The following MAGI1 variants were observed in gnomAD, a reference collection of about 807,000 sequenced individuals.
MAGI1 encodes the protein membrane associated guanylate kinase, WW and PDZ domain containing 1.
A neutral mutation model predicts 139.9 loss-of-function variants in MAGI1; 58 were observed. The observed-to-expected ratio is 0.41, with a 90% CI of 0.34 to 0.52. The LOEUF (loss-of-function observed/expected upper bound fraction) is 0.52. MAGI1 is among the 20% of genes least tolerant of loss of function. The pLI is 0.12. For missense variants in MAGI1, 1,874 were observed against 1,901.6 expected, an observed-to-expected ratio of 0.99 and a Z score of 0.27; for synonymous variants, 812 against 737.9, an observed-to-expected ratio of 1.10 and a Z score of -1.63.
At chr3:65,565,026 T>C (rs551341248) in intron 2 of MAGI1, among the ~76,000 whole-genome samples, 33 of 152,178 alleles carry the variant, frequency 2.2e-4, no homozygotes, top group Non-Finnish European at 4.7e-4. Context: ...CTGTGACGAT[T>C]ATTTCATTCT....
Position 65,642,372 on chromosome 3 carries a change from C to T in MAGI1, c.314-20284G>A, listed in dbSNP as rs1447299933. On this transcript the variant is annotated intron_variant, in intron 1 of 22. Transcript: ENST00000402939. ...ATTATTCTGCCACTGGTCAAACATG[C>T]TATGACCATCAAACCTTCTATCCGG... Among the ~76,000 whole-genome samples, 3 of 152,168 alleles carry T rather than the reference C, an allele frequency of 2.0e-5. No homozygotes were observed. The East Asian group carries it at 5.8e-4, about 29-fold the overall frequency.
intron 1 of MAGI1, among the ~76,000 whole-genome samples, chr3:65,794,977 G>A (rs1483786633): frequency 6.6e-6 from 1 of 151,936 alleles, no homozygotes; most frequent in Non-Finnish European, 1.5e-5. Flanking sequence ...ACTATCCAAC[G>A]ACGCAAATGA....
chr3:65,688,724 A>C (rs114819069), intron 1 of MAGI1, among the ~76,000 whole-genome samples: 2,668 of 152,346 alleles, frequency 0.018, 29 homozygotes, highest in Non-Finnish European at 0.026. Context: ...TCTACAATGA[A>C]GGAGGATACC....
At chr3:65,468,947 C>A (rs866920460) in intron 5 of MAGI1, among the ~76,000 whole-genome samples, 2 of 134,712 alleles carry the variant, frequency 1.5e-5, no homozygotes, top group Non-Finnish European at 3.1e-5. Flanking sequence ...GGAAGGGAAA[C>A]AATAAATAAA....
At chr3:65,713,412 C>G (rs890513254) in intron 1 of MAGI1, among the ~76,000 whole-genome samples, 6 of 151,858 alleles carry the variant, frequency 4.0e-5, no homozygotes, top group African/African-American at 1.5e-4. Flanking sequence ...ATTGTTTTCC[C>G]CCTATCAAGC....
At chr3:65,976,885 C>T (rs796597911) in intron 1 of MAGI1, among the ~76,000 whole-genome samples, 6 of 152,258 alleles carry the variant, frequency 3.9e-5, no homozygotes, top group South Asian at 2.1e-4. Context: ...TTCACACTTG[C>T]TTTGTTCAAA....
At chr3:65,653,842 A>G (rs1369079345) in intron 1 of MAGI1, among the ~76,000 whole-genome samples, 1 of 152,168 alleles carries the variant, frequency 6.6e-6, no homozygotes, top group African/African-American at 2.4e-5. Context: ...GTGGAGTCTC[A>G]CTGCACTTAC....
At chr3:65,669,632 T>C (rs1432030136) in intron 1 of MAGI1, among the ~76,000 whole-genome samples, 1 of 152,228 alleles carries the variant, frequency 6.6e-6, no homozygotes, top group Non-Finnish European at 1.5e-5. Flanking sequence ...TTCGGGATTC[T>C]ACTGATAAAG....
At chr3:65,419,049 C>T (rs1356781493) in intron 12 of MAGI1, among the ~76,000 whole-genome samples, 1 of 152,200 alleles carries the variant, frequency 6.6e-6, no homozygotes, top group African/African-American at 2.4e-5. Context: ...CAGTCTGACC[C>T]TTGAATGGTG....
chr3:65,917,389 G>A (rs2061956015), intron 1 of MAGI1, among the ~76,000 whole-genome samples: 1 of 152,190 alleles, frequency 6.6e-6, no homozygotes, highest in Non-Finnish European at 1.5e-5. Context: ...AGACAGTTTG[G>A]CAGTTTCTTA....
chr3:65,798,335 A>G (rs907397144), intron 1 of MAGI1, among the ~76,000 whole-genome samples: 4 of 152,018 alleles, frequency 2.6e-5, no homozygotes, highest in African/African-American at 7.2e-5. Flanking sequence ...AAACAAACAA[A>G]CACAGCCTCA....
intron 5 of MAGI1, among the ~76,000 whole-genome samples, chr3:65,469,177 T>C (rs553408445): frequency 7.9e-5 from 12 of 152,312 alleles, no homozygotes; most frequent in African/African-American, 2.4e-4. Flanking sequence ...AGATGTAGGA[T>C]ATGTGTGTAT....
intron 1 of MAGI1, among the ~76,000 whole-genome samples, chr3:66,001,213 G>C (rs1464971435): frequency 6.6e-6 from 1 of 152,010 alleles, no homozygotes; most frequent in Non-Finnish European, 1.5e-5. Context: ...AGTAGGAATT[G>C]GTTCGATTAG....
chr3:65,726,956 CAAAAAAAAAA>C (rs539578446), intron 1 of MAGI1, among the ~76,000 whole-genome samples: 3 of 102,210 alleles, frequency 2.9e-5, no homozygotes, highest in Admixed American at 2.0e-4. Flanking sequence ...CTCCAAAATC[CAAAAAAAAAA>C]AAAAAAAAAT....
chr3:65,374,508 G>A (rs1449427455), intron 18 of MAGI1, among the ~76,000 whole-genome samples: 2 of 151,972 alleles, frequency 1.3e-5, no homozygotes, highest in African/African-American at 2.4e-5. Context: ...AGTAGAGATG[G>A]GGTTTCACCA....
Position 65,671,644 on chromosome 3 carries a change from T to G in MAGI1, c.314-49556A>C, listed in dbSNP as rs113138848. On this transcript the variant is annotated intron_variant, in intron 1 of 22. Coordinates refer to ENST00000402939, the MANE Select transcript of MAGI1 (RefSeq NM_001033057.2). ...TCAAGGGGTCCCATAGAATAGTCCA[T>G]CATTTGTCACCAATTAGTTATGTCA... 9.8e-3 allele frequency among the ~76,000 whole-genome samples: 1,493 copies of G among 152,294 alleles called. 13 individuals carry two copies. Among genetic ancestry groups the G allele is most frequent in the African/African-American group, 0.034 (1,428 of 41,566 alleles).
chr3:65,754,124 T>C (rs868095583), intron 1 of MAGI1, among the ~76,000 whole-genome samples: 12 of 152,302 alleles, frequency 7.9e-5, no homozygotes, highest in Middle Eastern at 3.4e-3. Context: ...TATCACATGA[T>C]AGATATTGCT....
At chr3:65,736,085 G>A (rs1177726269) in intron 1 of MAGI1, among the ~76,000 whole-genome samples, 1 of 152,216 alleles carries the variant, frequency 6.6e-6, no homozygotes, top group Non-Finnish European at 1.5e-5. Flanking sequence ...ATTTTCAGAA[G>A]TAACACTGAT....
intron 1 of MAGI1, among the ~76,000 whole-genome samples, chr3:66,012,830 C>T (rs1036520963): frequency 3.3e-5 from 5 of 151,706 alleles, no homozygotes; most frequent in African/African-American, 1.2e-4. Context: ...GTGCCTGGCA[C>T]ATCAGAAGTG....
Sources: gnomAD v4.1 joint callset for allele counts (sites outside exome capture counted in the v4.1 genomes callset) on GRCh38, gnomAD v4.1.1 for gene constraint, MANE v1.5 for transcripts, NCBI Gene and HGNC (gene_info 2026-07-23, HGNC 2026-07-21) for gene names.